The following GOLM2 variants were observed in gnomAD, a reference collection of about 807,000 sequenced individuals.
The protein encoded by GOLM2 is golgi membrane protein 2.
A neutral mutation model predicts 55.9 loss-of-function variants in GOLM2; 26 were observed. The observed-to-expected ratio is 0.47, with a 90% CI of 0.34 to 0.65. The LOEUF is 0.65. Ranked by LOEUF, GOLM2 falls within the 30% of genes least tolerant of loss-of-function variation. GOLM2 has a pLI of 0.01. For missense variants in GOLM2, 486 were observed against 531.8 expected (o/e 0.91, Z 0.85); for synonymous variants, 165 against 194.6 (o/e 0.85, Z 1.27).
chr15:44,302,968 T>C (rs964398600), intron 1 of GOLM2, among the ~76,000 whole-genome samples: 4 of 152,110 alleles, frequency 2.6e-5, no homozygotes, highest in Non-Finnish European at 5.9e-5. Flanking sequence ...CCGGGCGTAG[T>C]GGCGGACGCC....
At chr15:44,369,133 C>T (rs1230549660) in intron 6 of GOLM2, among the ~76,000 whole-genome samples, 7 of 111,764 alleles carry the variant, frequency 6.3e-5, no homozygotes, top group Middle Eastern at 4.6e-3. Context: ...CTACCACACC[C>T]GGCCACCTCT....
intron 8 of GOLM2, among the ~76,000 whole-genome samples, chr15:44,398,158 C>T (rs1429217913): frequency 6.6e-6 from 1 of 152,220 alleles, no homozygotes; most frequent in Non-Finnish European, 1.5e-5. Context: ...AAAAGGAAGC[C>T]AACTGAAGCC....
At chr15:44,328,209 G>C (rs2078997755) in intron 2 of GOLM2, among the ~76,000 whole-genome samples, 1 of 152,242 alleles carries the variant, frequency 6.6e-6, no homozygotes, top group African/African-American at 2.4e-5. Flanking sequence ...GTCAGGCATG[G>C]TGGCTTATGC....
intron 1 of GOLM2, among the ~76,000 whole-genome samples, chr15:44,290,878 T>G (rs1314077361): frequency 6.6e-6 from 1 of 151,790 alleles, no homozygotes; most frequent in African/African-American, 2.4e-5. Context: ...CTCAGCTCAC[T>G]GCAACCTCCG....
intron 8 of GOLM2, among the ~76,000 whole-genome samples, chr15:44,391,496 G>A (rs1345965298): frequency 5.4e-5 from 8 of 147,604 alleles, no homozygotes; most frequent in East Asian, 2.0e-4. Context: ...CAGCCTGGGC[G>A]ACAAAGTGAG....
chr15:44,382,251 C>T (rs1489925429), intron 8 of GOLM2: 1 of 151,930 alleles, frequency 6.6e-6, no homozygotes, highest in East Asian at 1.9e-4. Flanking sequence ...AAGAGGTGTA[C>T]AGTAAGAGCA....
At chr15:44,407,083 T>A (rs1188557732) in intron 9 of GOLM2, among the ~76,000 whole-genome samples, 2 of 146,992 alleles carry the variant, frequency 1.4e-5, no homozygotes, top group Non-Finnish European at 3.0e-5. Flanking sequence ...ATAAAATATA[T>A]TCTATTTTAA....
In GOLM2 at chr15:44,411,087, T is replaced by G. The variant is rs898345922; in HGVS notation, c.1241-2249T>G. 9.4e-5 allele frequency among the ~76,000 whole-genome samples: 14 copies of G among 148,698 alleles called. No individual in the cohort carries two copies. The Admixed American group carries it at 9.5e-4, about 10-fold the overall frequency. On this transcript the variant is annotated intron_variant, in intron 9 of 9. Transcript: ENST00000299957. ...CCCAGGCTGGAGTGCAGTGGTGTGA[T>G]CTCTGCTTACTGCAACCTCCACCTC...
chr15:44,388,509 A>T (rs1455709278), intron 8 of GOLM2, among the ~76,000 whole-genome samples: 1 of 152,112 alleles, frequency 6.6e-6, no homozygotes, highest in Non-Finnish European at 1.5e-5. Flanking sequence ...CCCCGTCTCT[A>T]CAAAAGATAC....
intron 6 of GOLM2, among the ~76,000 whole-genome samples, chr15:44,370,928 G>T (rs1190762400): frequency 6.6e-6 from 1 of 152,130 alleles, no homozygotes; most frequent in Non-Finnish European, 1.5e-5. Flanking sequence ...CCAAAGCACT[G>T]GGATTGCAGG....
At chr15:44,310,129 T>G (rs887520694) in intron 1 of GOLM2, among the ~76,000 whole-genome samples, 2 of 152,080 alleles carry the variant, frequency 1.3e-5, no homozygotes, top group African/African-American at 4.8e-5. Flanking sequence ...AGCGATCTGC[T>G]TGCCGTGGCC....
At chr15:44,365,141 A>G (rs1049477228) in intron 6 of GOLM2, among the ~76,000 whole-genome samples, 6 of 152,212 alleles carry the variant, frequency 3.9e-5, no homozygotes, top group Admixed American at 1.3e-4. Context: ...CAACCAAGAT[A>G]TTCTTCAGTA....
rs553901018 is a variant in GOLM2, at chr15:44,349,184, G to A, written c.802+10867G>A. Reference sequence around the variant, plus strand: ...TGAGGCAGGAGAATCGCTTGAACCCGGGATGCAGAGGTTGCGGTGAGCTGA... The same window carrying A: ...TGAGGCAGGAGAATCGCTTGAACCCAGGATGCAGAGGTTGCGGTGAGCTGA... On this transcript the variant is annotated intron_variant, in intron 6 of 9. Coordinates refer to ENST00000299957, the MANE Select transcript of GOLM2 (RefSeq NM_138423.4). 3.3e-5 allele frequency among the ~76,000 whole-genome samples: 5 copies of A among 151,538 alleles called. No homozygotes were observed. In the South Asian group the frequency reaches 8.4e-4, roughly 25 times the overall value.
chr15:44,340,155 C>T (rs2079081646), intron 6 of GOLM2, among the ~76,000 whole-genome samples: 1 of 152,284 alleles, frequency 6.6e-6, no homozygotes, highest in African/African-American at 2.4e-5. Flanking sequence ...GACAAGGTCT[C>T]ACCATGTTGC....
At chr15:44,361,228 A>G (rs1157816886) in intron 6 of GOLM2, among the ~76,000 whole-genome samples, 1 of 152,192 alleles carries the variant, frequency 6.6e-6, no homozygotes, top group Admixed American at 6.5e-5. Context: ...GGAAAAAGAG[A>G]CACAAAAAAC....
chr15:44,336,628 C>T (rs2079058678), intron 4 of GOLM2, among the ~76,000 whole-genome samples: 1 of 151,862 alleles, frequency 6.6e-6, no homozygotes, highest in Non-Finnish European at 1.5e-5. Flanking sequence ...TAAGATTTGG[C>T]TGTTGTGGCC....
In GOLM2 at chr15:44,394,363, T is replaced by C. The variant is rs150556063; in HGVS notation, c.1073-8524T>C. On this transcript the variant is annotated intron_variant, in intron 8 of 9. Transcript: ENST00000299957. ...GTTGATTTCATCATTGCGAACATCA[T>C]AGAGTGTATCTACACAAATCTAGAT... Among the ~76,000 whole-genome samples the C allele has an allele frequency of 3.3e-5, 5 of 152,256 alleles. 1 individual carries two copies. Among genetic ancestry groups the C allele is most frequent in the African/African-American group, 1.2e-4 (5 of 41,542 alleles).
intron 4 of GOLM2, among the ~76,000 whole-genome samples, chr15:44,334,396 T>C (rs778471135): frequency 3.9e-5 from 6 of 152,248 alleles, no homozygotes; most frequent in African/African-American, 7.2e-5. Context: ...GATTTATCTT[T>C]TTGTTTTATT....
chr15:44,328,502 T>C (rs2078999660), intron 2 of GOLM2, among the ~76,000 whole-genome samples, 183 bp from the exon 3 acceptor site: 1 of 152,182 alleles, frequency 6.6e-6, no homozygotes, highest in Non-Finnish European at 1.5e-5. Context: ...ATAAATTTTA[T>C]TGACCATGAA....
Sources: gnomAD v4.1 joint callset for allele counts (sites outside exome capture counted in the v4.1 genomes callset) on GRCh38, gnomAD v4.1.1 for gene constraint, MANE v1.5 for transcripts, NCBI Gene and HGNC (gene_info 2026-07-23, HGNC 2026-07-21) for gene names.